GALNT18: variants seen among roughly 807,000 people sequenced by gnomAD.
GALNT18 encodes the protein GalNAc-transferase 18.
In GALNT18, 44 loss-of-function variants were observed where a neutral mutation model predicts 69.5. The ratio of observed to expected loss-of-function variants is 0.63; its 90% CI spans 0.50 to 0.81. The LOEUF (loss-of-function observed/expected upper bound fraction) is 0.81. GALNT18 is among the 40% of genes least tolerant of loss of function. The probability of loss-of-function intolerance (pLI) is 0.00; values close to 1 mark genes in which losing one functional copy is unlikely to be tolerated. For missense variants in GALNT18, 715 were observed against 810.0 expected, an observed-to-expected ratio of 0.88 and a Z score of 1.42; for synonymous variants, 364 against 318.2, an observed-to-expected ratio of 1.14 and a Z score of -1.53.
At chr11:11,334,036 G>A (rs2133050556) in intron 7 of GALNT18, among the ~76,000 whole-genome samples, 1 of 152,162 alleles carries the variant, frequency 6.6e-6, no homozygotes, top group South Asian at 2.1e-4. Context: ...AGAGTGGAGG[G>A]CAGATGAAGA....
In GALNT18 at chr11:11,459,218, C is replaced by T. The variant is rs139117238; in HGVS notation, c.236-10282G>A. ...TCTAGAGTTGCATTCAAACATGAGC[C>T]GAAGGTCTTTTGCCAATGGTCCCCA... On this transcript the variant is annotated intron_variant, in intron 1 of 10. Transcript: ENST00000227756. This position sits in a 1 kb window ranked among gnomAD's most constrained non-coding sequence, Gnocchi z 5.0. 2.0e-5 allele frequency among the ~76,000 whole-genome samples: 3 copies of T among 152,162 alleles called. No homozygotes were observed. Among genetic ancestry groups the T allele is most frequent in the East Asian group, 1.9e-4 (1 of 5,172 alleles).
chr11:11,447,850 G>A (rs1344998782), intron 2 of GALNT18, among the ~76,000 whole-genome samples: 1 of 152,204 alleles, frequency 6.6e-6, no homozygotes, highest in Admixed American at 6.5e-5. Context: ...AGACTTGGGT[G>A]GAGACACAGC....
chr11:11,284,275 G>C (rs968828552), intron 10 of GALNT18, among the ~76,000 whole-genome samples: 2 of 152,218 alleles, frequency 1.3e-5, no homozygotes, highest in Non-Finnish European at 2.9e-5. Context: ...TGGTGCCTAC[G>C]TGTGGTACAG....
At position 11,618,010 on chromosome 11, in the gene GALNT18, C is replaced by T. The variant is rs781297721; in HGVS notation, c.235+3349G>A. On this transcript the variant is annotated intron_variant, in intron 1 of 10. Coordinates refer to ENST00000227756, the MANE Select transcript of GALNT18 (RefSeq NM_198516.3). This position sits in a 1 kb window ranked among gnomAD's most constrained non-coding sequence, Gnocchi z 6.1. ...CTTCCCAAAACTGCAATTTACATTC[C>T]CAAGAGATTCCCAAACACCATCTAA... 1.6e-4 allele frequency among the ~76,000 whole-genome samples: 25 copies of T among 152,148 alleles called. No individual in the cohort carries two copies. The highest frequency in any genetic ancestry group is 7.2e-4 in the Admixed American group (11 of 15,278).
Position 11,511,488 on chromosome 11 carries a change from G to A in GALNT18, c.236-62552C>T, listed in dbSNP as rs1218308537. ...CCCCAGACAATCCTGAGGAGACCTG[G>A]CTAATGCAGTGGTTCTTTACTTCTG... On this transcript the variant is annotated intron_variant, in intron 1 of 10. Coordinates refer to ENST00000227756, the MANE Select transcript of GALNT18 (RefSeq NM_198516.3). This position sits in a 1 kb window ranked among gnomAD's most constrained non-coding sequence, Gnocchi z 4.9. Among the ~76,000 whole-genome samples, 1 of 152,200 alleles carries A rather than the reference G, an allele frequency of 6.6e-6. No individual in the cohort carries two copies. The highest frequency in any genetic ancestry group is 1.5e-5 in the Non-Finnish European group (1 of 68,044).
chr11:11,366,440 GAAGT>G (rs1225976137), intron 6 of GALNT18, among the ~76,000 whole-genome samples: 2 of 152,178 alleles, frequency 1.3e-5, no homozygotes, highest in Non-Finnish European at 2.9e-5. Context: ...AGAACTGTAT[GAAGT>G]AATTAATTTC....
At position 11,377,386 on chromosome 11, in the gene GALNT18, A is replaced by G; in HGVS notation, c.780-7T>C. 1 of 1,613,416 alleles carries G rather than the reference A, an allele frequency of 6.2e-7. No individual in the cohort carries two copies. The highest frequency in any genetic ancestry group is 2.2e-5 in the East Asian group (1 of 44,866). ...GGTGAGTACAGGTTCAGCCCTGGGC[A>G]GAGAGGAGACAGCCAGAGAGGGTAA... On this transcript the variant is annotated splice_region_variant and splice_polypyrimidine_tract_variant and intron_variant, in intron 4 of 10. Coordinates refer to ENST00000227756, the MANE Select transcript of GALNT18 (RefSeq NM_198516.3). The surrounding 1 kb of genome is among the most constrained non-coding windows in gnomAD (Gnocchi z 4.6).
chr11:11,517,775 G>C (rs1590067097), intron 1 of GALNT18, among the ~76,000 whole-genome samples: 1 of 151,936 alleles, frequency 6.6e-6, no homozygotes, highest in East Asian at 1.9e-4. Context: ...TCACCCCCGT[G>C]GTCCCTACCC....
intron 1 of GALNT18, among the ~76,000 whole-genome samples, chr11:11,530,343 C>A (rs72867159): frequency 0.08 from 12,161 of 152,246 alleles, 587 homozygotes; most frequent in Middle Eastern, 0.13. Flanking sequence ...GGGCTGCTGA[C>A]GGGGCCCTGT....
At chr11:11,344,343 T>C (rs932289413) in intron 6 of GALNT18, among the ~76,000 whole-genome samples, 3 of 152,202 alleles carry the variant, frequency 2.0e-5, no homozygotes, top group Admixed American at 6.5e-5. Flanking sequence ...CAAGCCTCAG[T>C]TCACTGTCAC....
chr11:11,610,830 G>A (rs1859880630), intron 1 of GALNT18, among the ~76,000 whole-genome samples: 1 of 152,200 alleles, frequency 6.6e-6, no homozygotes, highest in African/African-American at 2.4e-5. Flanking sequence ...CAGGTCTGAA[G>A]CCTTCTCAAG....
chr11:11,526,538 T>C (rs1476982523), intron 1 of GALNT18, among the ~76,000 whole-genome samples: 1 of 152,184 alleles, frequency 6.6e-6, no homozygotes, highest in African/African-American at 2.4e-5. Flanking sequence ...TTTAAAAATA[T>C]AGTGTATTTG....
intron 1 of GALNT18, among the ~76,000 whole-genome samples, chr11:11,577,708 CTCTCAT>C (rs1858960606): frequency 6.6e-6 from 1 of 152,306 alleles, no homozygotes; most frequent in East Asian, 1.9e-4. Context: ...AAGAGGGAAG[CTCTCAT>C]CTTCTTGTCA....
At chr11:11,572,232 C>T (rs1272237639) in intron 1 of GALNT18, among the ~76,000 whole-genome samples, 2 of 152,208 alleles carry the variant, frequency 1.3e-5, no homozygotes, top group East Asian at 1.9e-4. Flanking sequence ...ACCACGTAAC[C>T]ACTCGGCCTC....
At chr11:11,390,518 C>T (rs1220726987) in intron 3 of GALNT18, among the ~76,000 whole-genome samples, 3 of 152,200 alleles carry the variant, frequency 2.0e-5, no homozygotes, top group Admixed American at 6.5e-5. Context: ...AAGGCTCCCA[C>T]AGGCTGTATG....
intron 1 of GALNT18, among the ~76,000 whole-genome samples, chr11:11,484,205 T>G (rs1287234621): frequency 6.6e-6 from 1 of 152,158 alleles, no homozygotes; most frequent in Non-Finnish European, 1.5e-5. Context: ...CATCCGAACC[T>G]GTTTGTAAGG....
At position 11,621,580 on chromosome 11, in the gene GALNT18, C is replaced by T. The variant is rs534605326; in HGVS notation, c.14G>A (p.Arg5Lys). 3.7e-6 allele frequency: 6 copies of T among 1,601,194 alleles called. No individual in the cohort carries two copies. The highest frequency in any genetic ancestry group is 5.1e-6 in the Non-Finnish European group (6 of 1,173,228). Reference sequence around the variant, plus strand: ...AGTGGACACCAAAGTTTTGGTCTTCCTGGTGCACACCATTCTGGGCTCCTT... The same window carrying T: ...AGTGGACACCAAAGTTTTGGTCTTCTTGGTGCACACCATTCTGGGCTCCTT... MVCT[R>K]KTKTLVSTCV... is the part of the protein sequence containing the mutation. Residue 5 changes from arginine (R) to lysine (K), a missense_variant, in exon 1 of 11, where the codon AGG becomes AAG. Arg to Lys is a conservative substitution (Grantham distance 26). Coordinates refer to ENST00000227756, the MANE Select transcript of GALNT18 (RefSeq NM_198516.3). This position sits in a 1 kb window ranked among gnomAD's most constrained non-coding sequence, Gnocchi z 9.3.
rs1220650361 is a variant in GALNT18 at position 11,377,763 on chromosome 11, T to A, written c.780-384A>T. Among the ~76,000 whole-genome samples the A allele has an allele frequency of 6.6e-6, 1 of 152,140 alleles. No individual in the cohort carries two copies. On this transcript the variant is annotated intron_variant, in intron 4 of 10. Coordinates refer to ENST00000227756, the MANE Select transcript of GALNT18 (RefSeq NM_198516.3). The surrounding 1 kb of genome is among the most constrained non-coding windows in gnomAD (Gnocchi z 4.6). The stretch of plus-strand genomic sequence containing the variant: ...AAGCTTTCACCTTGGGCTTTGATTT[T>A]GCTAAAATTCTATGTGTCAACCTGG...
rs1589943969 is a variant in GALNT18 at position 11,368,646 on chromosome 11, T to A, written c.1092+3869A>T. ...TAGCCGTTCTGCCCATCTGTTGAGC[T>A]TTTGTCTTTCTTACATTTTTCATGT... is the stretch of plus-strand genomic sequence containing the variant. On this transcript the variant is annotated intron_variant, in intron 6 of 10. Transcript: ENST00000227756. Among the ~76,000 whole-genome samples the A allele has an allele frequency of 2.0e-5, 3 of 152,226 alleles. No homozygotes were observed. The East Asian group carries it at 5.8e-4, about 29-fold the overall frequency.
Sources: gnomAD v4.1 joint callset for allele counts (sites outside exome capture counted in the v4.1 genomes callset) on GRCh38, gnomAD v4.1.1 for gene constraint, Gnocchi (gnomAD v3.1) non-coding constraint, MANE v1.5 for transcripts, NCBI Gene and HGNC (gene_info 2026-07-23, HGNC 2026-07-21) for gene names.